Variants in BRD4 observed in about 807,000 individuals in gnomAD.
The protein encoded by BRD4 is bromodomain-containing protein 4.
In BRD4, 16 loss-of-function variants were observed where a neutral mutation model predicts 142.1. The observed-to-expected ratio is 0.11, with a 90% CI of 0.08 to 0.17. The LOEUF (loss-of-function observed/expected upper bound fraction) is 0.17. BRD4 is among the 10% of genes least tolerant of loss of function. The probability of loss-of-function intolerance (pLI) is 1.00; values close to 1 mark genes in which losing one functional copy is unlikely to be tolerated. For missense variants in BRD4, 1,424 were observed against 1,810.9 expected (o/e 0.79, Z 3.88); for synonymous variants, 833 against 707.5 (o/e 1.18, Z -2.82).
intron 1 of BRD4, among the ~76,000 whole-genome samples, chr19:15,330,887 G>A (rs1323192061): frequency 2.6e-5 from 4 of 152,244 alleles, no homozygotes; most frequent in South Asian, 4.1e-4. Flanking sequence ...TTCCAAAGAC[G>A]GTAGGGAACT....
At chr19:15,297,314 C>G (rs1385573062) in intron 1 of BRD4, among the ~76,000 whole-genome samples, 1 of 152,202 alleles carries the variant, frequency 6.6e-6, no homozygotes, top group Non-Finnish European at 1.5e-5. Context: ...CCAAGCTGCT[C>G]CTTCTGCAGT....
At position 15,298,620 on chromosome 19, in the gene BRD4, C is replaced by CAAAAAAAA. The variant is rs57719337; in HGVS notation, c.-34-25495_-34-25488dup. ...TGGGCAACAGGGCGAGACTCCAACT[C>CAAAAAAAA]AAAAAAAAAAAAAAAAAAAAAAAAA... On this transcript the variant is annotated intron_variant, in intron 1 of 19. Coordinates refer to ENST00000679869, the MANE Select transcript of BRD4 (RefSeq NM_001379291.1). Among the ~76,000 whole-genome samples the CAAAAAAAA allele has an allele frequency of 3.3e-4, 22 of 66,038 alleles. 1 individual carries two copies. The highest frequency in any genetic ancestry group is 6.7e-4 in the African/African-American group (11 of 16,416). 43.3% of individuals were successfully genotyped at this position (66,038 alleles called of 152,430 possible).
intron 4 of BRD4, among the ~76,000 whole-genome samples, chr19:15,267,204 G>C (rs1272510865): frequency 2.0e-5 from 3 of 152,110 alleles, no homozygotes; most frequent in African/African-American, 7.2e-5. Context: ...AGAAAAGGCA[G>C]GGCCCAATTA....
rs778524619 is a variant in BRD4 at position 15,332,501 on chromosome 19, AGCCGCCGCC to A, written c.-255_-247del. The A allele has an allele frequency of 0.019, 2,915 of 157,004 alleles. 77 individuals are homozygous for A. Among genetic ancestry groups the A allele is most frequent in the African/African-American group, 0.068 (2,649 of 38,806 alleles). The allele number at this position is 157,004 out of a possible 1,614,324, so 9.7% of individuals were successfully genotyped here. A position where few individuals can be genotyped will look rare whatever the true frequency, so the allele number is the denominator to read the frequency against. ...TGCGGGAGACCAGAACAAACAGCCC[AGCCGCCGCC>A]GCCGCCGCCGCCGCCGCCGCCAGCG... is the stretch of plus-strand genomic sequence containing the variant. On this transcript the variant is annotated 5_prime_UTR_variant, in exon 1 of 20. Coordinates refer to ENST00000679869, the MANE Select transcript of BRD4 (RefSeq NM_001379291.1).
intron 1 of BRD4, among the ~76,000 whole-genome samples, chr19:15,323,174 T>C (rs2048078449): frequency 9.0e-6 from 1 of 110,856 alleles, no homozygotes; most frequent in African/African-American, 4.5e-5. Flanking sequence ...AGACTCCATC[T>C]CTTTAAAAAA....
Position 15,257,057 on chromosome 19 carries a change from G to C in BRD4, c.1458C>G (p.Ser486Arg). The C allele has an allele frequency of 6.2e-7, 1 of 1,602,600 alleles. No homozygotes were observed. Among genetic ancestry groups the C allele is most frequent in the Non-Finnish European group, 8.5e-7 (1 of 1,176,558 alleles). Residue 486 changes from serine (S) to arginine (R), a missense_variant, in exon 8 of 20, where the codon AGC becomes AGG. By Grantham distance (110) the Ser-to-Arg change is moderately radical. This residue lies in a region of BRD4 where 90 missense variants were observed against 93.2 expected (regional missense o/e 0.97). Transcript: ENST00000679869. ...PTKVVAPPSS[S>R]DSSSDSSSDS... is the part of the protein sequence containing the mutation. ...CCGAGGAGCTATCGCTGCTGCTGTC[G>C]CTGGATGAGGGCGGGGCCACAACCT...
intron 7 of BRD4, among the ~76,000 whole-genome samples, chr19:15,262,900 C>G (rs11879784): frequency 1.3e-5 from 2 of 152,130 alleles, no homozygotes; most frequent in Non-Finnish European, 2.9e-5. Flanking sequence ...CTCCCCTCCC[C>G]GCCCACACGT....
intron 11 of BRD4, chr19:15,248,264 C>T (rs917293295): frequency 4.6e-6 from 1 of 216,882 alleles, no homozygotes; most frequent in Non-Finnish European, 9.3e-6. Context: ...TGTGGCCACA[C>T]TCGCCTGCCC....
intron 1 of BRD4, among the ~76,000 whole-genome samples, chr19:15,311,503 T>C (rs772140154): frequency 6.6e-6 from 1 of 151,402 alleles, no homozygotes; most frequent in Non-Finnish European, 1.5e-5. Context: ...AAATACTGTC[T>C]GAATCGGCCA....
At chr19:15,309,731 G>C (rs1382387312) in intron 1 of BRD4, among the ~76,000 whole-genome samples, 1 of 152,186 alleles carries the variant, frequency 6.6e-6, no homozygotes, top group Non-Finnish European at 1.5e-5. Flanking sequence ...TTGGGGGTAG[G>C]GGAGGGGAAT....
intron 1 of BRD4, among the ~76,000 whole-genome samples, chr19:15,321,669 TTTTG>T (rs1247209218): frequency 6.6e-6 from 1 of 152,170 alleles, no homozygotes; most frequent in Non-Finnish European, 1.5e-5. Flanking sequence ...TTTCAGCTAA[TTTTG>T]TTTATTTATA....
Position 15,238,117 on chromosome 19 carries a change from C to A in BRD4, c.*260G>T. 1.9e-6 allele frequency: 1 copy of A among 514,924 alleles called. No homozygotes were observed. The highest frequency in any genetic ancestry group is 3.5e-6 in the Non-Finnish European group (1 of 288,766). The allele number at this position is 514,924 out of a possible 1,614,324, so 31.9% of individuals were successfully genotyped here. On this transcript the variant is annotated 3_prime_UTR_variant, in exon 20 of 20. Transcript: ENST00000679869. The surrounding 1 kb of genome is among the most constrained non-coding windows in gnomAD (Gnocchi z 7.2). The stretch of plus-strand genomic sequence containing the variant: ...GGATGCAGGGCTTGGGTCCAGCCGG[C>A]ACTTGCTCGTAACAAGGCGTGTGCT...
At chr19:15,277,420 CA>C (rs899992035) in intron 1 of BRD4, among the ~76,000 whole-genome samples, 2 of 152,108 alleles carry the variant, frequency 1.3e-5, no homozygotes, top group African/African-American at 4.8e-5. Flanking sequence ...TTGATCATTT[CA>C]ACACCAGATT....
At chr19:15,267,310 A>G (rs2047543794) in intron 4 of BRD4, 106 bp downstream of exon 4, 9 of 1,363,004 alleles carry the variant, frequency 6.6e-6, no homozygotes, top group Non-Finnish European at 9.1e-6. Context: ...CACGGCATGC[A>G]GTATATAATG....
chr19:15,251,802 A>G (rs992381905), intron 11 of BRD4, among the ~76,000 whole-genome samples: 1 of 152,236 alleles, frequency 6.6e-6, no homozygotes, highest in African/African-American at 2.4e-5. Context: ...CACTCAGTGC[A>G]CACAGAAGGC....
chr19:15,267,349 C>G, intron 4 of BRD4, 67 bp downstream of exon 4: 3 of 1,579,560 alleles, frequency 1.9e-6, no homozygotes, highest in Admixed American at 1.8e-5. Context: ...CCCAGCCCCC[C>G]ACCAAACTTG....
At position 15,248,392 on chromosome 19, in the gene BRD4, G is replaced by T. The variant is rs1355766529; in HGVS notation, c.2159-3630C>A. The T allele has an allele frequency of 1.4e-5, 3 of 215,090 alleles. No individual in the cohort carries two copies. The East Asian group carries it at 2.1e-4, about 15-fold the overall frequency. The allele number at this position is 215,090 out of a possible 1,614,324, so 13.3% of individuals were successfully genotyped here. A position where few individuals can be genotyped will look rare whatever the true frequency, so the allele number is the denominator to read the frequency against. On this transcript the variant is annotated intron_variant, in intron 11 of 19. Transcript: ENST00000679869. ...CTGAGGGTCTGTGACACCCTCTCTG[G>T]TCCACCAGCCCAGACTCACCCCACT...
chr19:15,245,386 G>GA (rs2047276791), intron 11 of BRD4, among the ~76,000 whole-genome samples: 1 of 151,730 alleles, frequency 6.6e-6, no homozygotes, highest in African/African-American at 2.4e-5. Flanking sequence ...CACTCCGGGA[G>GA]AAAAAAAAGG....
intron 1 of BRD4, among the ~76,000 whole-genome samples, chr19:15,325,266 T>C (rs2048097492): frequency 1.3e-5 from 2 of 152,242 alleles, no homozygotes; most frequent in Non-Finnish European, 1.5e-5. Flanking sequence ...GCCAGGATTC[T>C]AACCGAGGCC....
Sources: gnomAD v4.1 joint callset for allele counts (sites outside exome capture counted in the v4.1 genomes callset) on GRCh38, gnomAD v4.1.1 for gene constraint, gnomAD v4.1.1 regional missense constraint, Gnocchi (gnomAD v3.1) non-coding constraint, MANE v1.5 for transcripts, NCBI Gene and HGNC (gene_info 2026-07-23, HGNC 2026-07-21) for gene names.